The following LHX4 variants were observed in gnomAD, a reference collection of about 807,000 sequenced individuals.
LHX4 encodes LIM/homeobox protein Lhx4.
Under a neutral mutation model 39.2 loss-of-function variants are expected in LHX4, and 16 were observed. The observed-to-expected ratio is 0.41, with a 90% CI of 0.28 to 0.62. LHX4 has a LOEUF of 0.62. Ranked by LOEUF, LHX4 falls within the 20% of genes least tolerant of loss-of-function variation. The probability of loss-of-function intolerance (pLI) is 0.33; values close to 1 mark genes in which losing one functional copy is unlikely to be tolerated. For synonymous variants in LHX4, 206 were observed against 198.1 expected, an observed-to-expected ratio of 1.04 and a Z score of -0.33; for missense variants, 439 against 511.9, an observed-to-expected ratio of 0.86 and a Z score of 1.37.
intron 1 of LHX4, among the ~76,000 whole-genome samples, chr1:180,241,708 C>G (rs1383190050): frequency 1.3e-5 from 2 of 152,120 alleles, no homozygotes; most frequent in Admixed American, 1.3e-4. Flanking sequence ...ATTTGGAAGA[C>G]CTAAAGATTT....
At chr1:180,254,889 TAGGG>T (rs1647778501) in intron 2 of LHX4, among the ~76,000 whole-genome samples, 1 of 152,094 alleles carries the variant, frequency 6.6e-6, no homozygotes, top group African/African-American at 2.4e-5. Context: ...GTGCCCCACA[TAGGG>T]AGGAGGAAAG....
At chr1:180,263,436 G>A (rs188430161) in intron 2 of LHX4, among the ~76,000 whole-genome samples, 2 of 152,330 alleles carry the variant, frequency 1.3e-5, no homozygotes, top group Non-Finnish European at 2.9e-5. Context: ...GACTGGAGAT[G>A]GGGTGGAGGG....
intron 2 of LHX4, among the ~76,000 whole-genome samples, chr1:180,263,465 T>TGGGCC (rs1329786504): frequency 1.4e-5 from 2 of 145,584 alleles, no homozygotes; most frequent in Non-Finnish European, 3.0e-5. Context: ...AGGGCTGGGC[T>TGGGCC]GGGCCGGGGG....
At chr1:180,263,033 G>A (rs747265864) in intron 2 of LHX4, among the ~76,000 whole-genome samples, 1 of 152,236 alleles carries the variant, frequency 6.6e-6, no homozygotes, top group African/African-American at 2.4e-5. Flanking sequence ...TCTTTCTGAA[G>A]GGTGAGGCCA....
rs1664152136 is a variant in LHX4 at position 180,230,571 on chromosome 1, G to A, written c.42G>A (p.Lys14=). 6.2e-7 allele frequency: 1 copy of A among 1,614,018 alleles called. No individual in the cohort carries two copies. Among genetic ancestry groups the A allele is most frequent in the African/African-American group, 1.3e-5 (1 of 75,062 alleles). The change falls in exon 1 of 6, where the codon AAG becomes AAA. Residue 14 remains lysine, a synonymous_variant. Coordinates refer to ENST00000263726, the MANE Select transcript of LHX4 (RefSeq NM_033343.4). This position sits in a 1 kb window ranked among gnomAD's most constrained non-coding sequence, Gnocchi z 5.8. ...CTGTCCCCGCGGAAGGGGCTGTCAA[G>A]GGGCTCCCGGAGATGCTAGGTGTGC... ...SATVPAEGAV[K]GLPEMLGVPM... is the part of the protein sequence containing the mutation.
intron 5 of LHX4, chr1:180,273,775 A>AC: frequency 4.0e-6 from 1 of 247,732 alleles, no homozygotes; most frequent in Non-Finnish European, 8.0e-6. Context: ...AATCAACTAA[A>AC]CCAAGCCCTT....
chr1:180,229,217 C>A (rs948846995), upstream of LHX4, among the ~76,000 whole-genome samples: 15 of 152,386 alleles, frequency 9.8e-5, no homozygotes, highest in East Asian at 2.7e-3. Flanking sequence ...CCGCCCTGCA[C>A]GCACGAGGTC....
At position 180,266,253 on chromosome 1, in the gene LHX4, G is replaced by C. The variant is rs937649175; in HGVS notation, c.249-139G>C. 3 of 789,324 alleles carry C rather than the reference G, an allele frequency of 3.8e-6. No individual in the cohort carries two copies. Among genetic ancestry groups the C allele is most frequent in the Non-Finnish European group, 6.5e-6 (3 of 460,318 alleles). The allele number at this position is 789,324 out of a possible 1,614,324, so 48.9% of individuals were successfully genotyped here. A position where few individuals can be genotyped will look rare whatever the true frequency, so the allele number is the denominator to read the frequency against. On this transcript the variant is annotated intron_variant, in intron 2 of 5. Transcript: ENST00000263726. This position sits in a 1 kb window ranked among gnomAD's most constrained non-coding sequence, Gnocchi z 5.7. ...TAGATGGAGGCAGAGAGGACCAGACGGTAAGCTCTGGGTGACTGGGGGGTG... is the reference window on the plus strand; with the variant it reads ...TAGATGGAGGCAGAGAGGACCAGACCGTAAGCTCTGGGTGACTGGGGGGTG...
intron 1 of LHX4, among the ~76,000 whole-genome samples, chr1:180,231,202 C>T (rs1422538378): frequency 2.0e-5 from 3 of 151,840 alleles, no homozygotes. Flanking sequence ...GGAATCTGCT[C>T]GCGCATTCCA....
In LHX4 at chr1:180,266,043, AG is replaced by A. The variant is rs1251354136; in HGVS notation, c.249-344del. On this transcript the variant is annotated intron_variant, in intron 2 of 5. Coordinates refer to ENST00000263726, the MANE Select transcript of LHX4 (RefSeq NM_033343.4). This position sits in a 1 kb window ranked among gnomAD's most constrained non-coding sequence, Gnocchi z 5.7. ...TAAGGGTGAGGAAGCTGGGAGGTGG[AG>A]GGGGAGACAGCCTGCTTTGAGGGAC... 2.0e-5 allele frequency among the ~76,000 whole-genome samples: 3 copies of A among 152,092 alleles called. No individual in the cohort carries two copies. The highest frequency in any genetic ancestry group is 2.9e-5 in the Non-Finnish European group (2 of 68,026).
chr1:180,247,791 C>A (rs1023008389), intron 1 of LHX4, among the ~76,000 whole-genome samples: 1 of 152,200 alleles, frequency 6.6e-6, no homozygotes, highest in African/African-American at 2.4e-5. Context: ...CCCCCTCCCC[C>A]ACACCATATT....
intron 1 of LHX4, among the ~76,000 whole-genome samples, chr1:180,233,556 T>A (rs1199769790): frequency 2.0e-5 from 3 of 152,194 alleles, no homozygotes; most frequent in Non-Finnish European, 4.4e-5. Flanking sequence ...CAGCAGTCCC[T>A]CCACGCGTCG....
chr1:180,248,291 C>T lies in LHX4; in HGVS notation c.83C>T (p.Pro28Leu), dbSNP rs886045597. The T allele has an allele frequency of 1.2e-6, 2 of 1,614,064 alleles. No homozygotes were observed. The highest frequency in any genetic ancestry group is 1.7e-6 in the Non-Finnish European group (2 of 1,180,010). ...EMLGVPMQQI[P>L]QCAGCNQHIL... ...TCTCTCCTCTTCCTCACAGAGATTCCCCAGTGCGCTGGCTGCAACCAGCAC... is the reference window on the plus strand; with the variant it reads ...TCTCTCCTCTTCCTCACAGAGATTCTCCAGTGCGCTGGCTGCAACCAGCAC... Residue 28 changes from proline (P) to leucine (L), a missense_variant, in exon 2 of 6, where the codon CCC (proline) becomes CTC (leucine). By Grantham distance (98) the Pro-to-Leu change is moderately conservative. Coordinates refer to ENST00000263726, the MANE Select transcript of LHX4 (RefSeq NM_033343.4).
chr1:180,249,900 TGTGTGTGTGACA>T (rs1015503984), intron 2 of LHX4, among the ~76,000 whole-genome samples: 25 of 147,404 alleles, frequency 1.7e-4, no homozygotes, highest in South Asian at 8.4e-4. Context: ...TGTGTATGAG[TGTGTGTGTGACA>T]GTGTGTGTGA....
chr1:180,256,706 C>T (rs1488870631), intron 2 of LHX4, among the ~76,000 whole-genome samples: 1 of 152,162 alleles, frequency 6.6e-6, no homozygotes, highest in Non-Finnish European at 1.5e-5. Flanking sequence ...GGGTTCTGGG[C>T]CCCAAAGTGG....
chr1:180,257,269 T>G (rs566594544), intron 2 of LHX4, among the ~76,000 whole-genome samples: 2 of 152,362 alleles, frequency 1.3e-5, no homozygotes, highest in South Asian at 4.1e-4. Context: ...GGTCACTGGT[T>G]TTAAAGCTTT....
rs767155202 is a variant in LHX4, at chr1:180,274,476, G to A, written c.1070G>A (p.Gly357Glu). 7 of 1,613,870 alleles carry A rather than the reference G, an allele frequency of 4.3e-6. No homozygotes were observed. In the African/African-American group the frequency reaches 9.3e-5, roughly 22 times the overall value. Reference sequence around the variant, plus strand: ...AGCCAGACGCTGAGAGCCATGGCTGGGGGACCCACCTCTGACATCTCCACA... The same window carrying A: ...AGCCAGACGCTGAGAGCCATGGCTGAGGGACCCACCTCTGACATCTCCACA... ...GVSQTLRAMA[G>E]GPTSDISTGS... Residue 357 changes from glycine (G) to glutamate (E), a missense_variant, in exon 6 of 6, where the codon GGG (glycine) becomes GAG (glutamate). Gly to Glu is a moderately conservative substitution (Grantham distance 98). Coordinates refer to ENST00000263726, the MANE Select transcript of LHX4 (RefSeq NM_033343.4).
In LHX4 at chr1:180,270,226, C is replaced by G. The variant is rs540965489; in HGVS notation, c.452-1154C>G. 3.3e-5 allele frequency: 5 copies of G among 152,346 alleles called. No homozygotes were observed. In the South Asian group the frequency reaches 1.0e-3, roughly 32 times the overall value. 9.4% of individuals were successfully genotyped at this position (152,346 alleles called of 1,614,324 possible). On this transcript the variant is annotated intron_variant, in intron 3 of 5. Transcript: ENST00000263726. ...ATATAAAGTCCTTAGTCAACACCAG[C>G]ACATGGTAGGTGCTAACACATGTTG...
In LHX4 at chr1:180,276,942, G is replaced by A. The variant is rs981830793; in HGVS notation, c.*2363G>A. 6.6e-6 allele frequency: 1 copy of A among 152,164 alleles called. No homozygotes were observed. The highest frequency in any genetic ancestry group is 1.5e-5 in the Non-Finnish European group (1 of 68,042). The allele number at this position is 152,164 out of a possible 1,614,324, so 9.4% of individuals were successfully genotyped here. On this transcript the variant is annotated 3_prime_UTR_variant, in exon 6 of 6. Transcript: ENST00000263726. The stretch of plus-strand genomic sequence containing the variant: ...AATTCCCAGTTCAATAGTGGAAGGA[G>A]AGGCCTTCCTCATTTATACTAATAA...
Sources: allele counts gnomAD v4.1 joint callset (sites outside exome capture counted in the v4.1 genomes callset), GRCh38; gene constraint gnomAD v4.1.1; non-coding constraint Gnocchi (gnomAD v3.1); transcripts MANE v1.5; gene names NCBI Gene and HGNC (gene_info 2026-07-23, HGNC 2026-07-21).